KLHL29: variants seen among roughly 807,000 people sequenced by gnomAD.
The protein encoded by KLHL29 is kelch-like protein 29.
In KLHL29, 21 loss-of-function variants were observed where a neutral mutation model predicts 80.4. The observed-to-expected ratio is 0.26, with a 90% CI of 0.19 to 0.38. The LOEUF is 0.38. Ranked by LOEUF, KLHL29 falls within the 10% of genes least tolerant of loss-of-function variation. KLHL29 has a pLI of 1.00. For missense variants in KLHL29, 867 were observed against 1,223.9 expected (o/e 0.71, Z 4.35); for synonymous variants, 511 against 526.8 (o/e 0.97, Z 0.41).
chr2:23,460,213 A>G (rs1035088612), intron 1 of KLHL29, among the ~76,000 whole-genome samples: 4 of 152,172 alleles, frequency 2.6e-5, no homozygotes, highest in Admixed American at 2.0e-4. Context: ...GTCAACAGCC[A>G]TTTATTGAGC....
intron 3 of KLHL29, among the ~76,000 whole-genome samples, chr2:23,602,866 C>T (rs774551675): frequency 2.6e-5 from 4 of 152,182 alleles, no homozygotes. Flanking sequence ...GGGAGCCACA[C>T]CCCATTGGCT....
At chr2:23,597,401 ATATATATTTTTTTTTTTTTTTTTT>A (rs1668449931) in intron 3 of KLHL29, among the ~76,000 whole-genome samples, 39 of 55,292 alleles carry the variant, frequency 7.1e-4, no homozygotes, top group Middle Eastern at 0.011. Flanking sequence ...ATATATATAT[ATATATATTTTTTTTTTTTTTTTTT>A]TTTTTTTTTT....
Position 23,695,482 on chromosome 2 carries a change from A to G in KLHL29, c.1543-141A>G. On this transcript the variant is annotated intron_variant, in intron 8 of 13. Coordinates refer to ENST00000486442, the MANE Select transcript of KLHL29 (RefSeq NM_052920.2). The surrounding 1 kb of genome is among the most constrained non-coding windows in gnomAD (Gnocchi z 7.6). Reference sequence around the variant, plus strand: ...ACTAGACTTCCCTTCACCTCTGTCTAGGCTAGCAGAGTATCTACACTCCCA... The same window carrying G: ...ACTAGACTTCCCTTCACCTCTGTCTGGGCTAGCAGAGTATCTACACTCCCA... The G allele has an allele frequency of 1.5e-6, 1 of 654,280 alleles. No individual in the cohort carries two copies. Among genetic ancestry groups the G allele is most frequent in the Non-Finnish European group, 2.6e-6 (1 of 389,500 alleles). The allele number at this position is 654,280 out of a possible 1,614,324, so 40.5% of individuals were successfully genotyped here.
At chr2:23,507,895 T>C (rs1665649809) in intron 2 of KLHL29, among the ~76,000 whole-genome samples, 1 of 152,234 alleles carries the variant, frequency 6.6e-6, no homozygotes. Context: ...CTCTTTGTTA[T>C]CTTTGGCCAC....
At chr2:23,593,458 CTA>C (rs1668318107) in intron 3 of KLHL29, among the ~76,000 whole-genome samples, 1 of 152,162 alleles carries the variant, frequency 6.6e-6, no homozygotes, top group Non-Finnish European at 1.5e-5. Context: ...GTCTCCAGGC[CTA>C]TGTGTCTAAC....
intron 3 of KLHL29, among the ~76,000 whole-genome samples, chr2:23,563,717 C>A (rs139014666): frequency 2.2e-4 from 34 of 152,338 alleles, no homozygotes; most frequent in African/African-American, 8.2e-4. Flanking sequence ...GTGAGTGTTG[C>A]CGGCCACAGA....
At chr2:23,393,507 C>G (rs916035050) in intron 1 of KLHL29, among the ~76,000 whole-genome samples, 1 of 152,076 alleles carries the variant, frequency 6.6e-6, no homozygotes, top group Admixed American at 6.5e-5. Context: ...TGTCTCTGCT[C>G]AGATTTCAAA....
intron 1 of KLHL29, among the ~76,000 whole-genome samples, chr2:23,452,312 A>C (rs1471265679): frequency 6.6e-6 from 1 of 151,890 alleles, no homozygotes; most frequent in Non-Finnish European, 1.5e-5. Context: ...GTGAGCCATC[A>C]TGCCTTACTG....
At chr2:23,578,763 T>C (rs1667905229) in intron 3 of KLHL29, among the ~76,000 whole-genome samples, 1 of 152,244 alleles carries the variant, frequency 6.6e-6, no homozygotes, top group South Asian at 2.1e-4. Context: ...CTGTGCACTT[T>C]TGAAAATTAT....
intron 2 of KLHL29, among the ~76,000 whole-genome samples, chr2:23,522,082 A>G (rs1666122739): frequency 6.6e-6 from 1 of 152,138 alleles, no homozygotes; most frequent in South Asian, 2.1e-4. Flanking sequence ...GGAAGCATCC[A>G]TAGGCTATGA....
chr2:23,684,351 A>G lies in KLHL29; in HGVS notation c.941-48A>G. Reference sequence around the variant, plus strand: ...AAAACTTTTTTTAATTAAAAAAAAAAAAACTCTTAATGGGAACCTGGCCCT... The same window carrying G: ...AAAACTTTTTTTAATTAAAAAAAAAGAAACTCTTAATGGGAACCTGGCCCT... On this transcript the variant is annotated intron_variant, in intron 5 of 13. Transcript: ENST00000486442. This position sits in a 1 kb window ranked among gnomAD's most constrained non-coding sequence, Gnocchi z 4.4. 3.0e-6 allele frequency: 4 copies of G among 1,315,440 alleles called. No individual in the cohort carries two copies. Among genetic ancestry groups the G allele is most frequent in the East Asian group, 2.9e-5 (1 of 34,274 alleles). The allele number at this position is 1,315,440 out of a possible 1,614,324, so 81.5% of individuals were successfully genotyped here. A position where few individuals can be genotyped will look rare whatever the true frequency, so the allele number is the denominator to read the frequency against.
At chr2:23,498,253 C>T (rs1192603819) in intron 2 of KLHL29, among the ~76,000 whole-genome samples, 3 of 152,280 alleles carry the variant, frequency 2.0e-5, no homozygotes, top group East Asian at 1.9e-4. Context: ...AAGAATTCCC[C>T]GAAAATCAAG....
chr2:23,492,394 C>A, intron 2 of KLHL29, among the ~76,000 whole-genome samples: 1 of 152,342 alleles, frequency 6.6e-6, no homozygotes, highest in Admixed American at 6.5e-5. Flanking sequence ...TCTTCACCCC[C>A]GCTTCTGAAA....
intron 3 of KLHL29, among the ~76,000 whole-genome samples, chr2:23,579,045 G>T (rs1667915869): frequency 6.6e-6 from 1 of 152,156 alleles, no homozygotes; most frequent in Non-Finnish European, 1.5e-5. Flanking sequence ...CTGGACTCCG[G>T]CTCCCGTTCT....
rs1672749578 is a variant in KLHL29 at position 23,706,742 on chromosome 2, C to CACCAACAAGAGGCCAACAAAACACAATCA, written c.*80_*108dup. The CACCAACAAGAGGCCAACAAAACACAATCA allele has an allele frequency of 9.1e-7, 1 of 1,093,830 alleles. No individual in the cohort carries two copies. Among genetic ancestry groups the CACCAACAAGAGGCCAACAAAACACAATCA allele is most frequent in the Non-Finnish European group, 1.2e-6 (1 of 801,202 alleles). 67.8% of individuals were successfully genotyped at this position (1,093,830 alleles called of 1,614,324 possible). On this transcript the variant is annotated 3_prime_UTR_variant, in exon 14 of 14. Coordinates refer to ENST00000486442, the MANE Select transcript of KLHL29 (RefSeq NM_052920.2). ...CCACGCAATGATAATTTTCCAGCGA[C>CACCAACAAGAGGCCAACAAAACACAATCA]ACCAACAAGAGGCCAACAAAACACA...
At chr2:23,703,413 G>A in intron 12 of KLHL29, 34 bp downstream of exon 12, 1 of 1,431,856 alleles carries the variant, frequency 7.0e-7, no homozygotes, top group South Asian at 1.5e-5. Context: ...CCCAGGGCCA[G>A]GGTCGCATCC....
rs1458754975 is a variant in KLHL29 at position 23,680,582 on chromosome 2, C to T, written c.941-3817C>T. Reference sequence around the variant, plus strand: ...TAGGCTCAGCTGCCAGGACTCCACTCGCCAGACCCCACCGAGCCTCCATGC... The same window carrying T: ...TAGGCTCAGCTGCCAGGACTCCACTTGCCAGACCCCACCGAGCCTCCATGC... On this transcript the variant is annotated intron_variant, in intron 5 of 13. Transcript: ENST00000486442. The surrounding 1 kb of genome is among the most constrained non-coding windows in gnomAD (Gnocchi z 4.1). Among the ~76,000 whole-genome samples the T allele has an allele frequency of 2.6e-5, 4 of 152,280 alleles. No individual in the cohort carries two copies. The highest frequency in any genetic ancestry group is 2.1e-4 in the South Asian group (1 of 4,824).
intron 1 of KLHL29, among the ~76,000 whole-genome samples, chr2:23,468,148 T>C (rs1192278125): frequency 6.6e-6 from 1 of 152,110 alleles, no homozygotes; most frequent in Non-Finnish European, 1.5e-5. Context: ...CCCCATTGTA[T>C]AGAAGAGGAG....
chr2:23,584,913 T>C (rs1007885987), intron 3 of KLHL29, among the ~76,000 whole-genome samples: 14 of 152,102 alleles, frequency 9.2e-5, no homozygotes, highest in Non-Finnish European at 4.4e-5. Context: ...ATTTTTGTAT[T>C]TTTAGTGGAG....
Sources: gnomAD v4.1 joint callset for allele counts (sites outside exome capture counted in the v4.1 genomes callset) on GRCh38, gnomAD v4.1.1 for gene constraint, Gnocchi (gnomAD v3.1) non-coding constraint, MANE v1.5 for transcripts, NCBI Gene and HGNC (gene_info 2026-07-23, HGNC 2026-07-21) for gene names.